PXDC1: variants seen among roughly 807,000 people sequenced by gnomAD.
PXDC1 encodes PX domain containing 1.
Under a neutral mutation model 24.4 loss-of-function variants are expected in PXDC1, and 13 were observed. The observed-to-expected ratio is 0.53, with a 90% CI of 0.35 to 0.85. PXDC1 has a LOEUF of 0.85. PXDC1 is among the 40% of genes least tolerant of loss of function. The probability of loss-of-function intolerance (pLI) is 0.01; values close to 1 mark genes in which losing one functional copy is unlikely to be tolerated. For missense variants in PXDC1, 344 were observed against 309.3 expected (o/e 1.11, Z -0.84); for synonymous variants, 162 against 124.9 (o/e 1.30, Z -1.98).
In PXDC1 at chr6:3,727,448, GCTCTGGGCAC is replaced by G. The variant is rs1413715239; in HGVS notation, c.578+93_578+102del. 1.4e-5 allele frequency: 10 copies of G among 732,162 alleles called. No homozygotes were observed. The African/African-American group carries it at 1.6e-4, about 12-fold the overall frequency. The allele number at this position is 732,162 out of a possible 1,614,324, so 45.4% of individuals were successfully genotyped here. On this transcript the variant is annotated intron_variant, in intron 4 of 4. Coordinates refer to ENST00000380283, the MANE Select transcript of PXDC1 (RefSeq NM_183373.4). ...AAATGCAGGTAGGAACTGCTGGGTG[GCTCTGGGCAC>G]CCACTTCCTTCCATAAGAACAGTGA...
chr6:3,738,923 C>T, intron 1 of PXDC1: 1 of 1,302,270 alleles, frequency 7.7e-7, no homozygotes, highest in Non-Finnish European at 1.0e-6. Context: ...CCCAAGGACA[C>T]TGGCGTCTCC....
At chr6:3,729,070 T>C (rs1458755844) in intron 3 of PXDC1, among the ~76,000 whole-genome samples, 1 of 152,272 alleles carries the variant, frequency 6.6e-6, no homozygotes, top group Admixed American at 6.5e-5. Flanking sequence ...CCCTCTCCCC[T>C]GGCACACCAC....
chr6:3,727,762 G>A, intron 3 of PXDC1, 100 bp from the exon 4 acceptor site: 4 of 748,590 alleles, frequency 5.3e-6, no homozygotes, highest in Non-Finnish European at 9.3e-6. Context: ...TCCTCCACCT[G>A]TTGCCCGTGC....
At chr6:3,742,870 T>C (rs373322284) in intron 1 of PXDC1, among the ~76,000 whole-genome samples, 1 of 152,176 alleles carries the variant, frequency 6.6e-6, no homozygotes, top group South Asian at 2.1e-4. Context: ...CCAGCGTCAC[T>C]TTTCTTCCTA....
intron 1 of PXDC1, among the ~76,000 whole-genome samples, chr6:3,742,583 G>A (rs1760472637): frequency 6.6e-6 from 1 of 152,202 alleles, no homozygotes; most frequent in Non-Finnish European, 1.5e-5. Context: ...CGCGCACTCT[G>A]CGGAAAAAGC....
chr6:3,730,247 G>A (rs1271571092), intron 3 of PXDC1, among the ~76,000 whole-genome samples: 4 of 152,114 alleles, frequency 2.6e-5, no homozygotes, highest in Admixed American at 1.3e-4. Flanking sequence ...CCAGAACCTC[G>A]AAAAACCTAG....
At chr6:3,739,315 C>T (rs920662971) in intron 1 of PXDC1, among the ~76,000 whole-genome samples, 1 of 152,342 alleles carries the variant, frequency 6.6e-6, no homozygotes. Flanking sequence ...ATCCCCATAA[C>T]GGGGGTCAGT....
intron 3 of PXDC1, among the ~76,000 whole-genome samples, chr6:3,734,647 C>T (rs768902985): frequency 3.9e-5 from 6 of 152,124 alleles, no homozygotes; most frequent in Non-Finnish European, 5.9e-5. Context: ...AAAAGGGGCT[C>T]CTGTACTCAC....
At chr6:3,727,475 G>T in intron 4 of PXDC1, 76 bp downstream of exon 4, 1 of 1,015,274 alleles carries the variant, frequency 9.8e-7, no homozygotes. Context: ...CCTTCCATAA[G>T]AACAGTGAGC....
intron 1 of PXDC1, among the ~76,000 whole-genome samples, chr6:3,739,958 T>C (rs1760417622): frequency 6.6e-6 from 1 of 152,182 alleles, no homozygotes; most frequent in South Asian, 2.1e-4. Context: ...AGAAGACAAT[T>C]ATATAACTCA....
chr6:3,741,031 A>G (rs1225286181), intron 1 of PXDC1, among the ~76,000 whole-genome samples: 1 of 152,252 alleles, frequency 6.6e-6, no homozygotes, highest in Non-Finnish European at 1.5e-5. Flanking sequence ...GATGAGACAG[A>G]AGTGGACAGG....
rs1275284837 is a variant in PXDC1 at position 3,724,805 on chromosome 6, A to G, written c.579-1069T>C. ...GGACACACAACAAGGCAGGGCGAGC[A>G]TATGTCCCCCACAAACCTAGTACAT... On this transcript the variant is annotated intron_variant, in intron 4 of 4. Transcript: ENST00000380283. The surrounding 1 kb of genome is among the most constrained non-coding windows in gnomAD (Gnocchi z 4.5). Among the ~76,000 whole-genome samples the G allele has an allele frequency of 6.6e-6, 1 of 152,240 alleles. No homozygotes were observed. The highest frequency in any genetic ancestry group is 1.5e-5 in the Non-Finnish European group (1 of 68,044).
chr6:3,741,401 C>T (rs535456404), intron 1 of PXDC1, among the ~76,000 whole-genome samples: 2 of 152,190 alleles, frequency 1.3e-5, no homozygotes, highest in Non-Finnish European at 2.9e-5. Context: ...CCTGGAAGCA[C>T]AGAAATGACG....
rs1010262232 is a variant in PXDC1, at chr6:3,737,668, C to T, written c.348+389G>A. ...CGGGCAACGTGCCCCGCTGTGCTGA[C>T]GCCAACGTTCTTCTTGGTTTCCACG... is the stretch of plus-strand genomic sequence containing the variant. On this transcript the variant is annotated intron_variant, in intron 2 of 4. Coordinates refer to ENST00000380283, the MANE Select transcript of PXDC1 (RefSeq NM_183373.4). The surrounding 1 kb of genome is among the most constrained non-coding windows in gnomAD (Gnocchi z 5.5). The T allele has an allele frequency of 3.9e-5, 38 of 985,310 alleles. No individual in the cohort carries two copies. Among genetic ancestry groups the T allele is most frequent in the Non-Finnish European group, 4.5e-5 (37 of 829,910 alleles). 61.0% of individuals were successfully genotyped at this position (985,310 alleles called of 1,614,324 possible). A position where few individuals can be genotyped will look rare whatever the true frequency, so the allele number is the denominator to read the frequency against.
At chr6:3,726,765 C>T (rs956361123) in intron 4 of PXDC1, among the ~76,000 whole-genome samples, 2 of 152,238 alleles carry the variant, frequency 1.3e-5, no homozygotes, top group African/African-American at 2.4e-5. Context: ...CATTCCTGGG[C>T]CCACAGGGAG....
In PXDC1 at chr6:3,751,409, G is replaced by T. The variant is rs755112792; in HGVS notation, c.123C>A (p.Ile41=). ...RRGDEEEFFE[I]RTEWSDRSVL... is the part of the protein sequence containing the mutation. Reference sequence around the variant, plus strand: ...CGCTGCGGTCCGACCACTCCGTGCGGATCTCGAAGAACTCCTCTTCGTCGC... The same window carrying T: ...CGCTGCGGTCCGACCACTCCGTGCGTATCTCGAAGAACTCCTCTTCGTCGC... The change falls in exon 1 of 5, where the codon ATC becomes ATA. Residue 41 remains isoleucine, a synonymous_variant. Transcript: ENST00000380283. 2.5e-6 allele frequency: 4 copies of T among 1,579,372 alleles called. No homozygotes were observed. In the South Asian group the frequency reaches 4.6e-5, roughly 18 times the overall value.
chr6:3,724,801 G>A lies in PXDC1; in HGVS notation c.579-1065C>T, dbSNP rs898470998. Among the ~76,000 whole-genome samples, 3 of 152,242 alleles carry A rather than the reference G, an allele frequency of 2.0e-5. No individual in the cohort carries two copies. Among genetic ancestry groups the A allele is most frequent in the Non-Finnish European group, 1.5e-5 (1 of 68,038 alleles). On this transcript the variant is annotated intron_variant, in intron 4 of 4. Transcript: ENST00000380283. This position sits in a 1 kb window ranked among gnomAD's most constrained non-coding sequence, Gnocchi z 4.5. ...GGCCGGACACACAACAAGGCAGGGC[G>A]AGCATATGTCCCCCACAAACCTAGT...
intron 1 of PXDC1, among the ~76,000 whole-genome samples, chr6:3,744,705 T>G (rs1188028453): frequency 2.6e-5 from 4 of 152,192 alleles, no homozygotes; most frequent in Non-Finnish European, 5.9e-5. Flanking sequence ...TTTTATTTAT[T>G]TATTTATTTG....
intron 1 of PXDC1, among the ~76,000 whole-genome samples, chr6:3,746,332 G>C (rs1760570510): frequency 6.6e-6 from 1 of 152,206 alleles, no homozygotes; most frequent in African/African-American, 2.4e-5. Flanking sequence ...AGCAGAGTGG[G>C]CGGCGGGGTT....
Sources: allele counts gnomAD v4.1 joint callset (sites outside exome capture counted in the v4.1 genomes callset), GRCh38; gene constraint gnomAD v4.1.1; non-coding constraint Gnocchi (gnomAD v3.1); transcripts MANE v1.5; gene names NCBI Gene and HGNC (gene_info 2026-07-23, HGNC 2026-07-21).